Variants in KCNMB2 observed in about 807,000 individuals in gnomAD.
The protein encoded by KCNMB2 is potassium calcium-activated channel subfamily M regulatory beta subunit 2, also known as calcium-activated potassium channel subunit beta-2.
In KCNMB2, 9 loss-of-function variants were observed where a neutral mutation model predicts 24.5. The ratio of observed to expected loss-of-function variants is 0.37; its 90% CI spans 0.22 to 0.64. The LOEUF (loss-of-function observed/expected upper bound fraction) is 0.64, where lower values mean the gene tolerates loss of function less well. Among genes scored for constraint, KCNMB2 ranks in the 30% least tolerant of loss-of-function variants. The probability of loss-of-function intolerance (pLI) is 0.63; values close to 1 mark genes in which losing one functional copy is unlikely to be tolerated. For synonymous variants in KCNMB2, 109 were observed against 104.4 expected, an observed-to-expected ratio of 1.04 and a Z score of -0.27; for missense variants, 226 against 284.3, an observed-to-expected ratio of 0.79 and a Z score of 1.47.
chr3:178,802,605 T>C (rs748340491), intron 1 of KCNMB2, among the ~76,000 whole-genome samples: 1 of 152,128 alleles, frequency 6.6e-6, no homozygotes, highest in African/African-American at 2.4e-5. Context: ...CGGCTGCCCA[T>C]CATAATTACC....
At chr3:178,696,043 T>A (rs1264815945) in intron 1 of KCNMB2, among the ~76,000 whole-genome samples, 1 of 152,226 alleles carries the variant, frequency 6.6e-6, no homozygotes, top group Non-Finnish European at 1.5e-5. Flanking sequence ...CAGTTCAGCT[T>A]GGCTGGGAGG....
intron 1 of KCNMB2, among the ~76,000 whole-genome samples, chr3:178,794,514 G>A (rs1487181347): frequency 6.6e-6 from 1 of 152,200 alleles, no homozygotes; most frequent in African/African-American, 2.4e-5. Context: ...CCCTGTCGTT[G>A]TCACTGTGGG....
intron 1 of KCNMB2, among the ~76,000 whole-genome samples, chr3:178,643,617 A>T (rs1485423109): frequency 6.6e-6 from 1 of 152,192 alleles, no homozygotes; most frequent in East Asian, 1.9e-4. Context: ...CAAAAAAGAT[A>T]AGTTCACTGC....
intron 1 of KCNMB2, among the ~76,000 whole-genome samples, chr3:178,550,044 G>T (rs143382443): frequency 6.6e-6 from 1 of 151,992 alleles, no homozygotes. Context: ...TGTTATGTTG[G>T]CTATATAAGT....
chr3:178,756,946 A>T (rs2108395486), intron 1 of KCNMB2: 1 of 152,102 alleles, frequency 6.6e-6, no homozygotes, highest in South Asian at 2.1e-4. Context: ...GAGCGATTTT[A>T]AAGAGAAAAA....
chr3:178,698,378 G>A (rs573158761), intron 1 of KCNMB2, among the ~76,000 whole-genome samples: 3 of 152,098 alleles, frequency 2.0e-5, no homozygotes, highest in South Asian at 2.1e-4. Context: ...CAATCTTCAC[G>A]CTATGAGAGT....
In KCNMB2 at chr3:178,731,669, C is replaced by T. The variant is rs535512817; in HGVS notation, c.-67-75674C>T. Among the ~76,000 whole-genome samples, 122 of 152,168 alleles carry T rather than the reference C, an allele frequency of 8.0e-4. 1 individual carries two copies. The highest frequency in any genetic ancestry group is 1.5e-3 in the Non-Finnish European group (104 of 67,998). ...CTGTAATCCCAGCACTTTGGGAGGC[C>T]GAGGTGGGTGGATCTCCTGAGGTCT... On this transcript the variant is annotated intron_variant, in intron 1 of 4. Coordinates refer to ENST00000452583, the MANE Select transcript of KCNMB2 (RefSeq NM_181361.3).
intron 1 of KCNMB2, among the ~76,000 whole-genome samples, chr3:178,758,078 A>ATG (rs1260751037): frequency 1.1e-5 from 1 of 92,944 alleles, no homozygotes; most frequent in Non-Finnish European, 2.1e-5. Context: ...GGATATATAT[A>ATG]TATACACAAG....
At chr3:178,780,053 T>TAA (rs11406849) in intron 1 of KCNMB2, among the ~76,000 whole-genome samples, 14,126 of 133,652 alleles carry the variant, frequency 0.11, 744 homozygotes, top group Middle Eastern at 0.13. Flanking sequence ...TTGTTTTTTT[T>TAA]AAAAAAAAAA....
chr3:178,587,731 C>T (rs369039013), intron 1 of KCNMB2, among the ~76,000 whole-genome samples: 5 of 136,988 alleles, frequency 3.6e-5, no homozygotes, highest in Admixed American at 2.2e-4. Flanking sequence ...CAGGCGTGAG[C>T]CAGTAATCTT....
chr3:178,670,265 C>A (rs916927927), intron 1 of KCNMB2, among the ~76,000 whole-genome samples: 1 of 152,062 alleles, frequency 6.6e-6, no homozygotes, highest in Non-Finnish European at 1.5e-5. Flanking sequence ...GGAAGCAGGG[C>A]TGGCCTGTGC....
At chr3:178,778,470 A>ACGTGCGCGCG (rs1469982956) in intron 1 of KCNMB2, among the ~76,000 whole-genome samples, 6 of 88,678 alleles carry the variant, frequency 6.8e-5, no homozygotes, top group Non-Finnish European at 1.4e-4. Context: ...ACACACACAC[A>ACGTGCGCGCG]CACACACACA....
intron 1 of KCNMB2, among the ~76,000 whole-genome samples, chr3:178,704,347 C>T (rs1428848963): frequency 3.9e-5 from 6 of 152,070 alleles, no homozygotes; most frequent in Middle Eastern, 3.2e-3. Context: ...TGCATACATT[C>T]CAAACCTAGA....
At chr3:178,689,569 G>A (rs1304287291) in intron 1 of KCNMB2, among the ~76,000 whole-genome samples, 2 of 152,176 alleles carry the variant, frequency 1.3e-5, no homozygotes, top group East Asian at 1.9e-4. Flanking sequence ...CCAGGAGGAG[G>A]AGCTTGTAGT....
chr3:178,837,110 G>A (rs760839759), intron 4 of KCNMB2, among the ~76,000 whole-genome samples: 1 of 152,148 alleles, frequency 6.6e-6, no homozygotes, highest in African/African-American at 2.4e-5. Context: ...AAAGGCAAGG[G>A]ACATGAGATG....
intron 1 of KCNMB2, among the ~76,000 whole-genome samples, chr3:178,645,269 C>T (rs757642550): frequency 3.3e-5 from 5 of 151,894 alleles, no homozygotes; most frequent in African/African-American, 4.8e-5. Flanking sequence ...AGGTTGGTCT[C>T]GAACTCCCAA....
chr3:178,732,277 A>G (rs539712245), intron 1 of KCNMB2, among the ~76,000 whole-genome samples: 3 of 152,202 alleles, frequency 2.0e-5, no homozygotes, highest in Non-Finnish European at 4.4e-5. Context: ...GTAGGTTTTT[A>G]TTATTTGCAG....
intron 1 of KCNMB2, among the ~76,000 whole-genome samples, chr3:178,546,354 A>G (rs1715772003): frequency 1.3e-5 from 2 of 152,366 alleles, no homozygotes; most frequent in African/African-American, 4.8e-5. Context: ...GCCTAAATGA[A>G]GAAAGCTATC....
intron 1 of KCNMB2, among the ~76,000 whole-genome samples, chr3:178,754,177 T>TATATATATATATATATATATACAC (rs1435109631): frequency 1.0e-4 from 12 of 117,212 alleles, no homozygotes; most frequent in African/African-American, 4.5e-4. Context: ...TATATATATA[T>TATATATATATATATATATATACAC]ACACACACAC....
Sources: allele counts gnomAD v4.1 joint callset (sites outside exome capture counted in the v4.1 genomes callset), GRCh38; gene constraint gnomAD v4.1.1; transcripts MANE v1.5; gene names NCBI Gene and HGNC (gene_info 2026-07-23, HGNC 2026-07-21).